Variants in ACVR1C observed in about 807,000 individuals in gnomAD.
ACVR1C encodes the protein activin A receptor type 1C, also known as activin receptor type-1C.
Under a neutral mutation model 57.9 loss-of-function variants are expected in ACVR1C, and 23 were observed. The ratio of observed to expected loss-of-function variants is 0.40; its 90% CI spans 0.29 to 0.56. ACVR1C has a LOEUF of 0.56. Ranked by LOEUF, ACVR1C falls within the 20% of genes least tolerant of loss-of-function variation. ACVR1C has a pLI of 0.50. For missense variants in ACVR1C, 480 were observed against 607.9 expected (o/e 0.79, Z 2.21); for synonymous variants, 214 against 215.3 (o/e 0.99, Z 0.05).
rs751722811 is a variant in ACVR1C, at chr2:157,556,204, T to C, written c.433A>G (p.Lys145Glu). 2.5e-6 allele frequency: 4 copies of C among 1,613,970 alleles called. No homozygotes were observed. Among genetic ancestry groups the C allele is most frequent in the East Asian group, 2.2e-5 (1 of 44,894 alleles). Residue 145 changes from lysine to glutamate, a missense_variant, in exon 3 of 9, where the codon AAG becomes GAG. Transcript: ENST00000243349. The part of the protein sequence containing the change: ...ACQGRQCSYR[K>E]KKRPNVEEPL... ...TCCTCCACATTTGGTCTCTTTTTCT[T>C]CCTGTAGGAGCACTGTCGACCCTGG...
chr2:157,602,789 T>C (rs867800158), intron 1 of ACVR1C, among the ~76,000 whole-genome samples: 5 of 152,116 alleles, frequency 3.3e-5, no homozygotes, highest in Admixed American at 1.3e-4. Flanking sequence ...TGAAACACAT[T>C]CAAATATTAA....
chr2:157,548,374 A>G (rs1687821508), intron 4 of ACVR1C, among the ~76,000 whole-genome samples: 1 of 142,820 alleles, frequency 7.0e-6, no homozygotes, highest in Admixed American at 7.1e-5. Flanking sequence ...TACAGATTCA[A>G]TGCCATCCCC....
chr2:157,551,571 T>C (rs1687924629), intron 3 of ACVR1C, among the ~76,000 whole-genome samples: 1 of 152,226 alleles, frequency 6.6e-6, no homozygotes, highest in Admixed American at 6.5e-5. Context: ...CTAAATGTTA[T>C]GATGGTTATT....
chr2:157,536,432 T>C lies in ACVR1C; in HGVS notation c.1356+2141A>G, dbSNP rs1377141972. 3.3e-5 allele frequency among the ~76,000 whole-genome samples: 5 copies of C among 152,166 alleles called. No homozygotes were observed. The East Asian group carries it at 9.6e-4, about 29-fold the overall frequency. On this transcript the variant is annotated intron_variant, in intron 8 of 8. Coordinates refer to ENST00000243349, the MANE Select transcript of ACVR1C (RefSeq NM_145259.3). Reference sequence around the variant, plus strand: ...AGTCATAAAGAAAAGATAAATTAACTAAAAATTTATTGATTGATTATTGCT... The same window carrying C: ...AGTCATAAAGAAAAGATAAATTAACCAAAAATTTATTGATTGATTATTGCT...
At chr2:157,584,154 C>T (rs1688857996) in intron 2 of ACVR1C, among the ~76,000 whole-genome samples, 1 of 151,298 alleles carries the variant, frequency 6.6e-6, no homozygotes, top group Non-Finnish European at 1.5e-5. Context: ...AGAACTCTTC[C>T]AATTCAACCA....
intron 1 of ACVR1C, among the ~76,000 whole-genome samples, chr2:157,611,907 G>A (rs1682544415): frequency 6.6e-6 from 1 of 152,206 alleles, no homozygotes; most frequent in African/African-American, 2.4e-5. Flanking sequence ...AGTAGACAAG[G>A]TGAGGTAATC....
At chr2:157,552,021 GATT>G (rs745887011) in intron 3 of ACVR1C, among the ~76,000 whole-genome samples, 96 of 152,324 alleles carry the variant, frequency 6.3e-4, no homozygotes, top group African/African-American at 2.2e-3. Flanking sequence ...TCTTTCCCAG[GATT>G]ATGCTGCTAG....
Position 157,550,222 on chromosome 2 carries a change from A to G in ACVR1C, c.715T>C (p.Tyr239His), listed in dbSNP as rs1687882515. 1.2e-6 allele frequency: 2 copies of G among 1,614,042 alleles called. No individual in the cohort carries two copies. The highest frequency in any genetic ancestry group is 1.7e-5 in the Admixed American group (1 of 60,006). The change falls in exon 4 of 9, where the codon TAC becomes CAC. Residue 239 changes from tyrosine (Y) to histidine (H), a missense_variant. By Grantham distance (83) the Tyr-to-His change is moderately conservative. Transcript: ENST00000243349. ...ERSWFREAEI[Y>H]QTVMLRHENI... ...TCATGTCGCAGCATGACCGTCTGGT[A>G]AATTTCTGCCTCACGAAACCAAGAT...
chr2:157,593,776 C>T (rs1412642520), intron 1 of ACVR1C, among the ~76,000 whole-genome samples: 1 of 151,960 alleles, frequency 6.6e-6, no homozygotes, highest in East Asian at 1.9e-4. Flanking sequence ...AAAGCATTTG[C>T]CTTTCTTAAC....
At chr2:157,603,585 T>G (rs1682327858) in intron 1 of ACVR1C, among the ~76,000 whole-genome samples, 1 of 152,108 alleles carries the variant, frequency 6.6e-6, no homozygotes, top group African/African-American at 2.4e-5. Context: ...AACCAAGTGC[T>G]TTCACCTAAA....
At chr2:157,607,836 G>C (rs542403949) in intron 1 of ACVR1C, among the ~76,000 whole-genome samples, 2 of 151,710 alleles carry the variant, frequency 1.3e-5, no homozygotes, top group Admixed American at 6.6e-5. Context: ...GAATTGAACA[G>C]TTCTAGGAAT....
rs960233658 is a variant in ACVR1C, at chr2:157,529,977, G to C, written c.*3941C>G. 4 of 152,040 alleles carry C rather than the reference G, an allele frequency of 2.6e-5. No individual in the cohort carries two copies. Among genetic ancestry groups the C allele is most frequent in the South Asian group, 2.1e-4 (1 of 4,824 alleles). 9.4% of individuals were successfully genotyped at this position (152,040 alleles called of 1,614,324 possible). ...AAGAATTACTGTTTTCACTAAAATA[G>C]CAGAAAAACTCCATGTAGGTATCAG... On this transcript the variant is annotated 3_prime_UTR_variant, in exon 9 of 9. Coordinates refer to ENST00000243349, the MANE Select transcript of ACVR1C (RefSeq NM_145259.3).
chr2:157,627,882 G>C (rs1329137566), intron 1 of ACVR1C, among the ~76,000 whole-genome samples: 3 of 152,182 alleles, frequency 2.0e-5, no homozygotes, highest in Admixed American at 6.5e-5. Flanking sequence ...GAAACGTCTG[G>C]CTTCTAGATT....
At chr2:157,554,207 G>GAAAGA (rs1210482838) in intron 3 of ACVR1C, among the ~76,000 whole-genome samples, 5 of 61,212 alleles carry the variant, frequency 8.2e-5, no homozygotes, top group South Asian at 9.2e-4. Context: ...AAGAGAGAAA[G>GAAAGA]AAAGAAAGAA....
intron 1 of ACVR1C, among the ~76,000 whole-genome samples, chr2:157,620,514 G>A (rs1682747547): frequency 6.6e-6 from 1 of 151,846 alleles, no homozygotes; most frequent in Non-Finnish European, 1.5e-5. Context: ...AAAACAATCT[G>A]GTTTTTTTAA....
At chr2:157,577,846 T>C (rs1190590086) in intron 2 of ACVR1C, among the ~76,000 whole-genome samples, 1 of 152,100 alleles carries the variant, frequency 6.6e-6, no homozygotes, top group Non-Finnish European at 1.5e-5. Context: ...TTCTTTTGGT[T>C]TTTCTGTTTG....
intron 1 of ACVR1C, among the ~76,000 whole-genome samples, chr2:157,605,255 C>A (rs1460263998): frequency 6.6e-6 from 1 of 151,512 alleles, no homozygotes; most frequent in African/African-American, 2.4e-5. Context: ...TGTGCCTCTC[C>A]TTTTGTCAAT....
chr2:157,604,161 G>A (rs556438874), intron 1 of ACVR1C, among the ~76,000 whole-genome samples: 2 of 152,132 alleles, frequency 1.3e-5, no homozygotes, highest in South Asian at 4.2e-4. Context: ...CAGGTTTATT[G>A]AGATGTAATT....
rs184338745 is a variant in ACVR1C at position 157,554,702 on chromosome 2, T to C, written c.544+1391A>G. On this transcript the variant is annotated intron_variant, in intron 3 of 8. Transcript: ENST00000243349. ...TGCTAAATATGGATGCACATAGAGATGTTATCAGCCCTCTGTTGCCTACCT... is the reference window on the plus strand; with the variant it reads ...TGCTAAATATGGATGCACATAGAGACGTTATCAGCCCTCTGTTGCCTACCT... Among the ~76,000 whole-genome samples, 5 of 152,314 alleles carry C rather than the reference T, an allele frequency of 3.3e-5. No individual in the cohort carries two copies. The East Asian group carries it at 9.6e-4, about 29-fold the overall frequency.
Sources: allele counts gnomAD v4.1 joint callset (sites outside exome capture counted in the v4.1 genomes callset), GRCh38; gene constraint gnomAD v4.1.1; transcripts MANE v1.5; gene names NCBI Gene and HGNC (gene_info 2026-07-23, HGNC 2026-07-21).